Variants in CHN2 observed in about 807,000 individuals in gnomAD.
CHN2 encodes the protein beta-chimaerin.
In CHN2, 35 loss-of-function variants were observed where a neutral mutation model predicts 56.3. That is an observed-to-expected ratio of 0.62 (90% CI 0.47 to 0.82). The LOEUF (loss-of-function observed/expected upper bound fraction) is 0.82. Among genes scored for constraint, CHN2 ranks in the 40% least tolerant of loss-of-function variants. The pLI, the probability that CHN2 is intolerant of heterozygous loss-of-function variation, is 0.00. For missense variants in CHN2, 491 were observed against 580.5 expected (o/e 0.85, Z 1.58); for synonymous variants, 210 against 212.8 (o/e 0.99, Z 0.12).
intron 1 of CHN2, among the ~76,000 whole-genome samples, chr7:29,347,782 T>C (rs1797571079): frequency 1.3e-5 from 2 of 152,242 alleles, no homozygotes; most frequent in African/African-American, 4.8e-5. Flanking sequence ...TATATTTTGC[T>C]ATACTCATGT....
intron 1 of CHN2, among the ~76,000 whole-genome samples, chr7:29,272,344 G>A (rs150403307): frequency 2.0e-5 from 3 of 152,272 alleles, no homozygotes; most frequent in South Asian, 2.1e-4. Flanking sequence ...ACTATGCCTC[G>A]TTGAGAGCTG....
In CHN2 at chr7:29,195,333, T is replaced by C. The variant is rs1164308329; in HGVS notation, c.49+343T>C. The stretch of plus-strand genomic sequence containing the variant: ...GCGGGGGCTGGCGGGGCGGAGAAGG[T>C]TGGGGTGAAGCAGAGCGCCCCGACC... On this transcript the variant is annotated intron_variant, in intron 1 of 12. Transcript: ENST00000222792. 4 of 297,292 alleles carry C rather than the reference T, an allele frequency of 1.3e-5. No homozygotes were observed. In the South Asian group the frequency reaches 2.2e-4, roughly 17 times the overall value. 18.4% of individuals were successfully genotyped at this position (297,292 alleles called of 1,614,324 possible).
At chr7:29,509,128 T>C (rs1360666569) in intron 11 of CHN2, among the ~76,000 whole-genome samples, 173 bp from the exon 12 acceptor site, 13 of 152,330 alleles carry the variant, frequency 8.5e-5, no homozygotes, top group African/African-American at 2.2e-4. Context: ...CCTCAAACTC[T>C]TTCCTGAATG....
chr7:29,178,841 A>C (rs997520593), intron 2 of CHN2, among the ~76,000 whole-genome samples: 1 of 152,240 alleles, frequency 6.6e-6, no homozygotes. Context: ...ATAATCAGCC[A>C]ATAAAAATGG....
At chr7:29,221,496 G>A (rs1452018670) in intron 1 of CHN2, among the ~76,000 whole-genome samples, 1 of 152,030 alleles carries the variant, frequency 6.6e-6, no homozygotes, top group Non-Finnish European at 1.5e-5. Flanking sequence ...GGATGTATGT[G>A]TAGGATGTGC....
intron 2 of CHN2, among the ~76,000 whole-genome samples, chr7:29,357,952 A>G (rs1798430620): frequency 6.6e-6 from 1 of 152,192 alleles, no homozygotes; most frequent in East Asian, 1.9e-4. Context: ...TTAGATACTG[A>G]TGTCTAACTC....
intron 1 of CHN2, among the ~76,000 whole-genome samples, chr7:29,230,638 G>C (rs1469027188): frequency 1.3e-5 from 2 of 152,104 alleles, no homozygotes; most frequent in Admixed American, 1.3e-4. Context: ...ACCATGCCAG[G>C]CCTCCTCTTT....
chr7:29,183,675 C>A (rs1319100266), intron 2 of CHN2, among the ~76,000 whole-genome samples: 3 of 152,144 alleles, frequency 2.0e-5, no homozygotes, highest in East Asian at 1.9e-4. Flanking sequence ...CCACACCTGG[C>A]CCAGAATTTT....
At chr7:29,364,621 T>G (rs1028060488) in intron 2 of CHN2, among the ~76,000 whole-genome samples, 3 of 152,206 alleles carry the variant, frequency 2.0e-5, no homozygotes, top group Admixed American at 2.0e-4. Flanking sequence ...GCAGCCTCCC[T>G]GGTGATTAAG....
chr7:29,238,505 A>G (rs938801405), intron 1 of CHN2, among the ~76,000 whole-genome samples: 2 of 152,208 alleles, frequency 1.3e-5, no homozygotes, highest in Non-Finnish European at 2.9e-5. Context: ...ATCATGAGCT[A>G]TGTGCCATGG....
intron 2 of CHN2, among the ~76,000 whole-genome samples, chr7:29,157,471 C>T (rs245904): frequency 0.25 from 37,281 of 152,150 alleles, 4,574 homozygotes; most frequent in Non-Finnish European, 0.26. Context: ...AAGTTAGCTT[C>T]GCACAGTGGC....
intron 1 of CHN2, among the ~76,000 whole-genome samples, chr7:29,318,659 A>AT (rs982136052): frequency 3.5e-4 from 52 of 150,096 alleles, no homozygotes; most frequent in Middle Eastern, 3.4e-3. Flanking sequence ...CAGTTATTTG[A>AT]TTTTTTTTTT....
At chr7:29,204,174 G>T (rs1784366066) in intron 1 of CHN2, among the ~76,000 whole-genome samples, 1 of 151,346 alleles carries the variant, frequency 6.6e-6, no homozygotes, top group Non-Finnish European at 1.5e-5. Context: ...ATAAGTATGT[G>T]GGTTTACATA....
At chr7:29,326,226 C>T (rs1472646847) in intron 1 of CHN2, among the ~76,000 whole-genome samples, 1 of 152,098 alleles carries the variant, frequency 6.6e-6, no homozygotes, top group East Asian at 1.9e-4. Context: ...GGCGCAATCT[C>T]GAATCACAGC....
At chr7:29,410,056 C>T (rs763589782) in intron 6 of CHN2, among the ~76,000 whole-genome samples, 1 of 152,106 alleles carries the variant, frequency 6.6e-6, no homozygotes, top group Non-Finnish European at 1.5e-5. Context: ...TCTCACTAGG[C>T]GGTGGGGGGA....
chr7:29,233,824 G>GTTTTTTTTTTTTTTT (rs1584812326), intron 1 of CHN2, among the ~76,000 whole-genome samples: 5 of 81,754 alleles, frequency 6.1e-5, no homozygotes, highest in Non-Finnish European at 9.6e-5. Flanking sequence ...CCAACACCTT[G>GTTTTTTTTTTTTTTT]ATTTTTTTTT....
At chr7:29,235,522 A>T in intron 1 of CHN2, among the ~76,000 whole-genome samples, 1 of 152,246 alleles carries the variant, frequency 6.6e-6, no homozygotes, top group Non-Finnish European at 1.5e-5. Flanking sequence ...TTAACCAAGC[A>T]ACCCTATTAC....
intron 1 of CHN2, among the ~76,000 whole-genome samples, chr7:29,284,573 A>G (rs553770718): frequency 6.6e-6 from 1 of 152,330 alleles, no homozygotes; most frequent in East Asian, 1.9e-4. Context: ...CCTGGCCAAC[A>G]ACTAGCAAGG....
chr7:29,437,576 C>G (rs1449073361), intron 6 of CHN2, among the ~76,000 whole-genome samples: 2 of 136,272 alleles, frequency 1.5e-5, no homozygotes, highest in African/African-American at 5.3e-5. Context: ...CCAGCCTGGG[C>G]GACAGAGCGA....
Sources: allele counts gnomAD v4.1 joint callset (sites outside exome capture counted in the v4.1 genomes callset), GRCh38; gene constraint gnomAD v4.1.1; transcripts MANE v1.5; gene names NCBI Gene and HGNC (gene_info 2026-07-23, HGNC 2026-07-21).